Variants in CABIN1 observed in about 807,000 individuals in gnomAD.
CABIN1 encodes the protein calcineurin-binding protein cabin-1.
CABIN1 carries 133 observed loss-of-function variants against 227.7 expected under a neutral mutation model. The ratio of observed to expected loss-of-function variants is 0.58; its 90% CI spans 0.51 to 0.67. The LOEUF (loss-of-function observed/expected upper bound fraction) is 0.67. CABIN1 is among the 30% of genes least tolerant of loss of function. CABIN1 has a pLI of 0.00. For missense variants in CABIN1, 2,408 were observed against 2,852.5 expected, an observed-to-expected ratio of 0.84 and a Z score of 3.55; for synonymous variants, 1,086 against 1,155.1, an observed-to-expected ratio of 0.94 and a Z score of 1.21.
At chr22:24,026,254 G>A (rs188470366) in intron 1 of CABIN1, among the ~76,000 whole-genome samples, 1 of 152,282 alleles carries the variant, frequency 6.6e-6, no homozygotes, top group East Asian at 1.9e-4. Flanking sequence ...GATTATAGGT[G>A]TGAACCACCA....
intron 26 of CABIN1, among the ~76,000 whole-genome samples, chr22:24,099,137 G>A (rs544833793): frequency 1.5e-4 from 23 of 151,460 alleles, no homozygotes; most frequent in Non-Finnish European, 2.4e-4. Context: ...GTACAGGTCT[G>A]GGGGGGGCCA....
At chr22:24,169,950 G>A (rs896586450) in intron 33 of CABIN1, among the ~76,000 whole-genome samples, 2 of 152,168 alleles carry the variant, frequency 1.3e-5, no homozygotes, top group African/African-American at 4.8e-5. Context: ...CAGAGACCTC[G>A]GAAGACACAG....
chr22:24,138,842 C>A (rs1411990901), intron 29 of CABIN1, among the ~76,000 whole-genome samples: 2 of 152,212 alleles, frequency 1.3e-5, no homozygotes, highest in South Asian at 4.1e-4. Context: ...CTAAACCCAA[C>A]AAGGCCTGTC....
chr22:24,115,906 A>C lies in CABIN1; in HGVS notation c.4300+2158A>C, dbSNP rs1405184892. Among the ~76,000 whole-genome samples the C allele has an allele frequency of 4.6e-5, 7 of 152,246 alleles. 1 individual carries two copies. Among genetic ancestry groups the C allele is most frequent in the African/African-American group, 1.7e-4 (7 of 41,464 alleles). ...CACTCACGCGTATTTGTTATCAAGCAGCAGGGCACAACAGGTCCAGATCTG... is the reference window on the plus strand; with the variant it reads ...CACTCACGCGTATTTGTTATCAAGCCGCAGGGCACAACAGGTCCAGATCTG... On this transcript the variant is annotated intron_variant, in intron 27 of 36. Transcript: ENST00000263119.
intron 1 of CABIN1, among the ~76,000 whole-genome samples, chr22:24,012,289 A>G (rs1021739865): frequency 1.3e-5 from 2 of 152,208 alleles, no homozygotes; most frequent in Non-Finnish European, 2.9e-5. Flanking sequence ...TTTTAATTTT[A>G]TATATTGTTA....
intron 29 of CABIN1, among the ~76,000 whole-genome samples, chr22:24,146,235 G>T (rs994042694): frequency 6.6e-6 from 1 of 152,260 alleles, no homozygotes; most frequent in Non-Finnish European, 1.5e-5. Flanking sequence ...CTATGGGCCA[G>T]TTGCACAAGC....
intron 24 of CABIN1, 77 bp downstream of exon 24, chr22:24,091,920 C>A: frequency 6.4e-7 from 1 of 1,574,766 alleles, no homozygotes; most frequent in South Asian, 1.1e-5. Context: ...GCATGTGGCT[C>A]AAGGTTCCAG....
chr22:24,163,649 A>G (rs1019131764), intron 29 of CABIN1, among the ~76,000 whole-genome samples: 10 of 152,070 alleles, frequency 6.6e-5, no homozygotes, highest in Non-Finnish European at 1.3e-4. Context: ...CTGTTTCCTC[A>G]TCACTCACTC....
At chr22:24,102,546 A>G (rs2042266117) in intron 26 of CABIN1, 1 of 152,326 alleles carries the variant, frequency 6.6e-6, no homozygotes, top group Non-Finnish European at 1.5e-5. Context: ...AGTCAGTTAC[A>G]TAGCTGAGGG....
intron 28 of CABIN1, among the ~76,000 whole-genome samples, chr22:24,125,229 G>A (rs1268695041): frequency 6.6e-6 from 1 of 152,204 alleles, no homozygotes; most frequent in African/African-American, 2.4e-5. Flanking sequence ...TGCCAGGGGG[G>A]CCCCACAGGG....
chr22:24,140,587 T>G (rs1000319703), intron 29 of CABIN1, among the ~76,000 whole-genome samples: 12 of 152,244 alleles, frequency 7.9e-5, no homozygotes, highest in African/African-American at 2.9e-4. Context: ...TCTCCCTGTC[T>G]TGTAGTTGAT....
intron 7 of CABIN1, among the ~76,000 whole-genome samples, chr22:24,050,406 G>T (rs1489666818): frequency 6.6e-6 from 1 of 152,184 alleles, no homozygotes; most frequent in East Asian, 1.9e-4. Context: ...TGCCCTTTCT[G>T]TATTTTTGGG....
intron 26 of CABIN1, among the ~76,000 whole-genome samples, chr22:24,100,920 G>A (rs984071918): frequency 1.3e-5 from 2 of 152,240 alleles, no homozygotes; most frequent in Non-Finnish European, 2.9e-5. Flanking sequence ...CAAGTCATTG[G>A]TGGAACTAGG....
chr22:24,092,165 A>G (rs964536888), intron 24 of CABIN1, among the ~76,000 whole-genome samples: 10 of 152,092 alleles, frequency 6.6e-5, no homozygotes, highest in African/African-American at 2.4e-4. Context: ...GGCCCAGGAC[A>G]TTCACACCCT....
intron 6 of CABIN1, among the ~76,000 whole-genome samples, chr22:24,046,033 T>C (rs1484036017): frequency 2.0e-5 from 3 of 152,214 alleles, no homozygotes; most frequent in African/African-American, 7.2e-5. Context: ...CTTCCACTTT[T>C]TACAACCTCC....
chr22:24,175,718 G>A lies in CABIN1; in HGVS notation c.6041-393G>A, dbSNP rs116152916. The A allele has an allele frequency of 6.7e-3, 2,211 of 332,098 alleles. 43 individuals carry two copies. The highest frequency in any genetic ancestry group is 0.044 in the African/African-American group (2,070 of 47,122). 20.6% of individuals were successfully genotyped at this position (332,098 alleles called of 1,614,324 possible). ...TCTTAGTTGGGTTGTTTGGATTTTG[G>A]TCCTGACCTCGTTTCTGAATGCTGC... On this transcript the variant is annotated intron_variant, in intron 34 of 36. Coordinates refer to ENST00000263119, the MANE Select transcript of CABIN1 (RefSeq NM_012295.4).
At chr22:24,028,782 A>G (rs1307533924) in intron 1 of CABIN1, among the ~76,000 whole-genome samples, 1 of 152,030 alleles carries the variant, frequency 6.6e-6, no homozygotes, top group Non-Finnish European at 1.5e-5. Context: ...CTGTCTAGAA[A>G]CCACTCATGT....
chr22:24,113,741 A>G lies in CABIN1; in HGVS notation c.4293A>G (p.Glu1431=), dbSNP rs1380277519. The change falls in exon 27 of 37, where the codon GAA becomes GAG. Residue 1431 remains glutamate (E), a synonymous_variant. Transcript: ENST00000263119. ...GTAAAGATCTTCAGGGGGCCACAGA[A>G]GAAAGAGGTATGAAGCCCTAACTCG... ...ATGKDLQGAT[E]ERGKNEESLE... is the part of the protein sequence containing the mutation. 6.2e-7 allele frequency: 1 copy of G among 1,613,734 alleles called. No homozygotes were observed.
intron 34 of CABIN1, among the ~76,000 whole-genome samples, chr22:24,174,330 T>C (rs1175006902): frequency 6.6e-6 from 1 of 152,044 alleles, no homozygotes; most frequent in Non-Finnish European, 1.5e-5. Context: ...GGTTTCACCA[T>C]GTTGCCCAAG....
Sources: allele counts gnomAD v4.1 joint callset (sites outside exome capture counted in the v4.1 genomes callset), GRCh38; gene constraint gnomAD v4.1.1; transcripts MANE v1.5; gene names NCBI Gene and HGNC (gene_info 2026-07-23, HGNC 2026-07-21).